Variants in SERPINB10 observed in about 807,000 individuals in gnomAD.
The protein encoded by SERPINB10 is serpin family B member 10.
Under a neutral mutation model 39.1 loss-of-function variants are expected in SERPINB10, and 35 were observed. The observed-to-expected ratio is 0.90, with a 90% confidence interval of 0.68 to 1.19. The LOEUF is 1.19. SERPINB10 is among the 50% of genes most tolerant of loss of function. The pLI is 0.00. For synonymous variants in SERPINB10, 190 were observed against 158.1 expected (o/e 1.20, Z -1.52); for missense variants, 546 against 460.5 (o/e 1.19, Z -1.70).
chr18:63,922,383 C>A (rs1321888838), intron 5 of SERPINB10, among the ~76,000 whole-genome samples: 1 of 151,952 alleles, frequency 6.6e-6, no homozygotes, highest in Non-Finnish European at 1.5e-5. Flanking sequence ...TTGTGTGAGA[C>A]CACATTTGAT....
rs750081547 is a variant in SERPINB10, at chr18:63,915,544, G to T, written c.34G>T (p.Ala12Ser). The T allele has an allele frequency of 6.2e-6, 10 of 1,612,374 alleles. No homozygotes were observed. The African/African-American group carries it at 1.3e-4, about 22-fold the overall frequency. ...DSLATSINQF[A>S]LELSKKLAES... ...TCTAGCAACATCAATCAACCAGTTT[G>T]CCCTGGAGTTGAGCAAAAAGCTAGC... is the stretch of plus-strand genomic sequence containing the variant. Residue 12 changes from alanine to serine, a missense_variant, in exon 2 of 8, where the codon GCC becomes TCC. Ala to Ser is a moderately conservative substitution (Grantham distance 99, BLOSUM62 1). Transcript: ENST00000238508.
intron 5 of SERPINB10, among the ~76,000 whole-genome samples, chr18:63,922,768 C>T (rs2050155258): frequency 6.6e-6 from 1 of 151,926 alleles, no homozygotes; most frequent in African/African-American, 2.4e-5. Flanking sequence ...TGGAGACGTG[C>T]CATAAATCTG....
rs538767920 is a variant in SERPINB10, at chr18:63,922,303, T to C, written c.490+2398T>C. On this transcript the variant is annotated intron_variant, in intron 5 of 7. Coordinates refer to ENST00000238508, the MANE Select transcript of SERPINB10 (RefSeq NM_005024.3). Reference sequence around the variant, plus strand: ...ACTTCCATCCTGATTTGCATTCATCTGAAAATAAGTTTGTTTTGTTTAGAA... The same window carrying C: ...ACTTCCATCCTGATTTGCATTCATCCGAAAATAAGTTTGTTTTGTTTAGAA... Among the ~76,000 whole-genome samples the C allele has an allele frequency of 2.0e-5, 3 of 152,136 alleles. No individual in the cohort carries two copies. The South Asian group carries it at 6.2e-4, about 31-fold the overall frequency.
chr18:63,932,738 T>C (rs1319925624), intron 6 of SERPINB10, among the ~76,000 whole-genome samples: 1 of 152,248 alleles, frequency 6.6e-6, no homozygotes, highest in African/African-American at 2.4e-5. Flanking sequence ...CCTTAGTTTT[T>C]GGATTATTGG....
chr18:63,933,209 T>G lies in SERPINB10; in HGVS notation c.789+6T>G. The G allele has an allele frequency of 6.2e-7, 1 of 1,613,858 alleles. No individual in the cohort carries two copies. Among genetic ancestry groups the G allele is most frequent in the Non-Finnish European group, 8.5e-7 (1 of 1,179,836 alleles). On this transcript the variant is annotated splice_donor_region_variant and intron_variant, in intron 7 of 7. Transcript: ENST00000238508. ...ACATTAATGGGCTGGAACAGGTAAA[T>G]AACATCAGTGTGTCTGATGTGAGGG... is the stretch of plus-strand genomic sequence containing the variant.
chr18:63,924,787 T>A (rs1411815263), intron 5 of SERPINB10, among the ~76,000 whole-genome samples: 1 of 151,958 alleles, frequency 6.6e-6, no homozygotes. Flanking sequence ...CCATCTGTAT[T>A]TTCTCTTTCG....
rs1337593723 is a variant in SERPINB10, at chr18:63,931,852, C to T, written c.634-1196C>T. Among the ~76,000 whole-genome samples the T allele has an allele frequency of 2.0e-5, 3 of 152,146 alleles. No individual in the cohort carries two copies. In the East Asian group the frequency reaches 5.8e-4, roughly 29 times the overall value. The stretch of plus-strand genomic sequence containing the variant: ...TTGAAAATGTTCAATATCACGTAGC[C>T]ACCATTACAATGGCATTCCGAATAG... On this transcript the variant is annotated intron_variant, in intron 6 of 7. Coordinates refer to ENST00000238508, the MANE Select transcript of SERPINB10 (RefSeq NM_005024.3).
At chr18:63,929,364 A>G (rs1360205027) in intron 5 of SERPINB10, among the ~76,000 whole-genome samples, 1 of 152,058 alleles carries the variant, frequency 6.6e-6, no homozygotes, top group African/African-American at 2.4e-5. Flanking sequence ...GGAAAGAAAA[A>G]TCCCTTCTTC....
At position 63,934,888 on chromosome 18, in the gene SERPINB10, C is replaced by T; in HGVS notation, c.840C>T (p.Asp280=). The change falls in exon 8 of 8, where the codon GAC becomes GAT. Residue 280 remains aspartate, a synonymous_variant. Coordinates refer to ENST00000238508, the MANE Select transcript of SERPINB10 (RefSeq NM_005024.3). ...AGCTGAATGAGTGGACCAGTGCAGA[C>T]ATGATGGAGTTGTATGAAGTGCAGC... ...YEKLNEWTSA[D]MMELYEVQLH... The T allele has an allele frequency of 6.2e-7, 1 of 1,614,082 alleles. No individual in the cohort carries two copies. Among genetic ancestry groups the T allele is most frequent in the Non-Finnish European group, 8.5e-7 (1 of 1,179,970 alleles).
At chr18:63,929,579 C>A (rs1028988016) in intron 5 of SERPINB10, among the ~76,000 whole-genome samples, 1 of 151,810 alleles carries the variant, frequency 6.6e-6, no homozygotes, top group African/African-American at 2.4e-5. Flanking sequence ...AACTTGGAAA[C>A]CTTGAAGTAG....
chr18:63,922,340 C>T (rs2050152336), intron 5 of SERPINB10, among the ~76,000 whole-genome samples: 1 of 151,952 alleles, frequency 6.6e-6, no homozygotes, highest in African/African-American at 2.4e-5. Context: ...TATAGATTAG[C>T]TAGCAGTTAC....
chr18:63,915,872 AG>A (rs1450645341), intron 2 of SERPINB10, among the ~76,000 whole-genome samples, 194 bp downstream of exon 2: 1 of 152,132 alleles, frequency 6.6e-6, no homozygotes, highest in African/African-American at 2.4e-5. Context: ...AACTGTTGCT[AG>A]GAAAACCATT....
intron 5 of SERPINB10, among the ~76,000 whole-genome samples, chr18:63,922,248 G>T (rs897045528): frequency 6.6e-6 from 1 of 151,960 alleles, no homozygotes; most frequent in Admixed American, 6.6e-5. Flanking sequence ...CTCAAAAGCC[G>T]TGGTGAAGCA....
At chr18:63,909,853 A>G (rs907876643) in intron 1 of SERPINB10, among the ~76,000 whole-genome samples, 2 of 152,132 alleles carry the variant, frequency 1.3e-5, no homozygotes, top group African/African-American at 4.8e-5. Context: ...TGAAGATGGC[A>G]TTTGATCTGT....
At position 63,930,059 on chromosome 18, in the gene SERPINB10, C is replaced by A. The variant is rs1004482977; in HGVS notation, c.505C>A (p.Leu169Ile). 1 of 1,613,192 alleles carries A rather than the reference C, an allele frequency of 6.2e-7. No homozygotes were observed. Among genetic ancestry groups the A allele is most frequent in the Non-Finnish European group, 8.5e-7 (1 of 1,179,602 alleles). Residue 169 changes from leucine to isoleucine, a missense_variant, in exon 6 of 8, where the codon CTC becomes ATC. Physicochemically the swap from Leu to Ile is conservative, Grantham distance 5. Coordinates refer to ENST00000238508, the MANE Select transcript of SERPINB10 (RefSeq NM_005024.3). ...TGTTCTTACAGGTAAAATCCAGAATCTCCTGCCTGATGACTCTGTGGATTC... is the reference window on the plus strand; with the variant it reads ...TGTTCTTACAGGTAAAATCCAGAATATCCTGCCTGATGACTCTGTGGATTC... ...ERQTEGKIQNLLPDDSVDSTT... is the reference protein window; with the variant it reads ...ERQTEGKIQNILPDDSVDSTT...
chr18:63,928,978 A>G (rs1479618738), intron 5 of SERPINB10, among the ~76,000 whole-genome samples: 1 of 152,170 alleles, frequency 6.6e-6, no homozygotes, highest in Non-Finnish European at 1.5e-5. Flanking sequence ...GTTCACATGT[A>G]AATCAATTTG....
At chr18:63,909,463 G>T (rs2050048450) in intron 1 of SERPINB10, among the ~76,000 whole-genome samples, 2 of 151,912 alleles carry the variant, frequency 1.3e-5, no homozygotes, top group African/African-American at 4.8e-5. Flanking sequence ...AGAAAATAAA[G>T]AATTGTTTCT....
intron 6 of SERPINB10, among the ~76,000 whole-genome samples, chr18:63,932,692 T>C (rs1469348171): frequency 6.6e-6 from 1 of 152,228 alleles, no homozygotes; most frequent in African/African-American, 2.4e-5. Flanking sequence ...TTTATAATAC[T>C]AAAATACTTT....
chr18:63,930,283 T>G, intron 6 of SERPINB10, 96 bp downstream of exon 6: 1 of 1,357,998 alleles, frequency 7.4e-7, no homozygotes, highest in Non-Finnish European at 1.0e-6. Flanking sequence ...TATGTTCTAG[T>G]GAACTATGGC....
Sources: gnomAD v4.1 joint callset for allele counts (sites outside exome capture counted in the v4.1 genomes callset) on GRCh38, gnomAD v4.1.1 for gene constraint, MANE v1.5 for transcripts, NCBI Gene and HGNC (gene_info 2026-07-23, HGNC 2026-07-21) for gene names.